Variants in TOMM20 observed in about 807,000 individuals in gnomAD.
The protein encoded by TOMM20 is translocase of outer mitochondrial membrane 20, also known as mitochondrial import receptor subunit TOM20 homolog.
Under a neutral mutation model 22.1 loss-of-function variants are expected in TOMM20, and 10 were observed. The observed-to-expected ratio is 0.45, with a 90% CI of 0.28 to 0.77. The LOEUF (loss-of-function observed/expected upper bound fraction) is 0.77, where lower values mean the gene tolerates loss of function less well. TOMM20 is among the 30% of genes least tolerant of loss of function. The probability of loss-of-function intolerance (pLI) is 0.13; values close to 1 mark genes in which losing one functional copy is unlikely to be tolerated. For missense variants in TOMM20, 121 were observed against 172.2 expected, an observed-to-expected ratio of 0.70 and a Z score of 1.66; for synonymous variants, 55 against 61.4, an observed-to-expected ratio of 0.90 and a Z score of 0.49.
At chr1:235,127,527 G>T (rs1335428606) in intron 1 of TOMM20, among the ~76,000 whole-genome samples, 2 of 152,152 alleles carry the variant, frequency 1.3e-5, no homozygotes, top group African/African-American at 2.4e-5. Context: ...CAGGGCTACT[G>T]AACACTTGAA....
intron 1 of TOMM20, among the ~76,000 whole-genome samples, chr1:235,126,955 A>G (rs1331334050): frequency 1.3e-5 from 2 of 152,242 alleles, no homozygotes; most frequent in African/African-American, 4.8e-5. Context: ...ATTCACTGTA[A>G]TCATTAGGTT....
chr1:235,120,143 G>A (rs565293122), intron 2 of TOMM20, among the ~76,000 whole-genome samples: 10 of 152,314 alleles, frequency 6.6e-5, no homozygotes, highest in Admixed American at 2.0e-4. Flanking sequence ...AATGTAAAGA[G>A]AAAAGAGTGC....
At chr1:235,112,492 C>A (rs1660754900) in intron 4 of TOMM20, among the ~76,000 whole-genome samples, 1 of 152,126 alleles carries the variant, frequency 6.6e-6, no homozygotes, top group East Asian at 1.9e-4. Context: ...CAGACTCATG[C>A]CACCATGCCC....
At chr1:235,124,341 C>T (rs936375303) in intron 1 of TOMM20, among the ~76,000 whole-genome samples, 6 of 152,194 alleles carry the variant, frequency 3.9e-5, no homozygotes, top group African/African-American at 9.7e-5. Context: ...AGTGAGACTC[C>T]GTCTCAAACA....
chr1:235,119,917 A>G lies in TOMM20; in HGVS notation c.169-18T>C, dbSNP rs1392663423. 2 of 1,542,762 alleles carry G rather than the reference A, an allele frequency of 1.3e-6. No individual in the cohort carries two copies. Among genetic ancestry groups the G allele is most frequent in the Non-Finnish European group, 1.8e-6 (2 of 1,119,554 alleles). On this transcript the variant is annotated intron_variant, in intron 2 of 4. Transcript: ENST00000366607. ...TCAGGTAACTGGAAATAAAATATTT[A>G]ATAAATGACACCACAATTATGCCAG...
intron 2 of TOMM20, 91 bp downstream of exon 2, chr1:235,122,235 T>C: frequency 8.2e-7 from 1 of 1,213,974 alleles, no homozygotes. Flanking sequence ...AACTAGCTTT[T>C]TCCAATTACA....
chr1:235,111,850 T>C lies in TOMM20; in HGVS notation c.*214A>G. On this transcript the variant is annotated 3_prime_UTR_variant, in exon 5 of 5. Transcript: ENST00000366607. ...GATATTTTAGTAACTCATAGTGTATTTATAGAATGAAAAGTTCTCTATCAA... is the reference window on the plus strand; with the variant it reads ...GATATTTTAGTAACTCATAGTGTATCTATAGAATGAAAAGTTCTCTATCAA... 1.9e-6 allele frequency: 1 copy of C among 528,778 alleles called. No homozygotes were observed. The highest frequency in any genetic ancestry group is 3.5e-5 in the East Asian group (1 of 28,790). 32.8% of individuals were successfully genotyped at this position (528,778 alleles called of 1,614,324 possible).
intron 1 of TOMM20, among the ~76,000 whole-genome samples, chr1:235,128,359 T>C (rs1053024904): frequency 6.6e-6 from 1 of 152,156 alleles, no homozygotes; most frequent in African/African-American, 2.4e-5. Context: ...CAAGAGTGCA[T>C]TTGCACGGCT....
intron 3 of TOMM20, among the ~76,000 whole-genome samples, chr1:235,116,916 A>G (rs941640626): frequency 6.6e-6 from 1 of 151,986 alleles, no homozygotes; most frequent in Non-Finnish European, 1.5e-5. Context: ...CGGGCGGATC[A>G]CAAGGTCAGG....
intron 2 of TOMM20, among the ~76,000 whole-genome samples, chr1:235,120,957 A>G (rs533717013): frequency 1.3e-5 from 2 of 151,902 alleles, no homozygotes; most frequent in Admixed American, 1.3e-4. Flanking sequence ...ATCCCAGCAC[A>G]TTGGGAGTCC....
chr1:235,123,868 A>C (rs1660970873), intron 1 of TOMM20, among the ~76,000 whole-genome samples: 1 of 152,210 alleles, frequency 6.6e-6, no homozygotes. Flanking sequence ...TAATTGCTAA[A>C]TATCGTGGTC....
chr1:235,119,146 A>G (rs1352842197), intron 3 of TOMM20, among the ~76,000 whole-genome samples: 1 of 152,218 alleles, frequency 6.6e-6, no homozygotes, highest in Non-Finnish European at 1.5e-5. Context: ...TACTTTTGAG[A>G]TTATTGAGTA....
At chr1:235,121,036 C>T (rs903112465) in intron 2 of TOMM20, among the ~76,000 whole-genome samples, 9 of 151,888 alleles carry the variant, frequency 5.9e-5, no homozygotes, top group Admixed American at 6.6e-5. Context: ...GCCATCTCTA[C>T]TAAAATACAA....
At chr1:235,117,326 T>TGG in intron 3 of TOMM20, among the ~76,000 whole-genome samples, 1 of 150,558 alleles carries the variant, frequency 6.6e-6, no homozygotes, top group South Asian at 2.1e-4. Context: ...GGCTTGGTGG[T>TGG]GCATGCCTAT....
chr1:235,114,009 C>G, intron 3 of TOMM20, 99 bp from the exon 4 acceptor site: 1 of 1,325,698 alleles, frequency 7.5e-7, no homozygotes, highest in Non-Finnish European at 1.0e-6. Context: ...ACCAAAAACA[C>G]TAAGCAAGTA....
chr1:235,119,875 C>T lies in TOMM20; in HGVS notation c.193G>A (p.Ala65Thr). 6.2e-7 allele frequency: 1 copy of T among 1,611,266 alleles called. No individual in the cohort carries two copies. The highest frequency in any genetic ancestry group is 8.5e-7 in the Non-Finnish European group (1 of 1,178,356). ...TCTTCAAGGAAGAACTTCTGAACAG[C>T]TTCAGCATCTTTAAGGTCAGGTAAC... is the stretch of plus-strand genomic sequence containing the variant. ...SKLPDLKDAE[A>T]VQKFFLEEIQ... The change falls in exon 3 of 5, where the codon GCT becomes ACT. Residue 65 changes from alanine to threonine, a missense_variant. Physicochemically the swap from Ala to Thr is moderately conservative, Grantham distance 58. Transcript: ENST00000366607.
At chr1:235,119,551 A>G (rs971550537) in intron 3 of TOMM20, 3 of 278,996 alleles carry the variant, frequency 1.1e-5, no homozygotes, top group African/African-American at 6.5e-5. Flanking sequence ...AAAACTTACT[A>G]TCTTCTACAT....
At chr1:235,126,792 TCAAA>T (rs1456692514) in intron 1 of TOMM20, among the ~76,000 whole-genome samples, 3 of 151,970 alleles carry the variant, frequency 2.0e-5, no homozygotes, top group Admixed American at 6.6e-5. Context: ...AGAGCGAGAC[TCAAA>T]CAAACAAACA....
chr1:235,124,980 A>G (rs1178239434), intron 1 of TOMM20, among the ~76,000 whole-genome samples: 5 of 152,360 alleles, frequency 3.3e-5, no homozygotes, highest in South Asian at 2.1e-4. Flanking sequence ...GATGCTTAAT[A>G]TATTTTTAAT....
Sources: gnomAD v4.1 joint callset for allele counts (sites outside exome capture counted in the v4.1 genomes callset) on GRCh38, gnomAD v4.1.1 for gene constraint, MANE v1.5 for transcripts, NCBI Gene and HGNC (gene_info 2026-07-23, HGNC 2026-07-21) for gene names.